FMN1: variants seen among roughly 807,000 people sequenced by gnomAD.
FMN1 encodes formin-1.
Under a neutral mutation model 132.4 loss-of-function variants are expected in FMN1, and 110 were observed. The ratio of observed to expected loss-of-function variants is 0.83; its 90% confidence interval spans 0.71 to 0.97. The LOEUF is 0.97. Among genes scored for constraint, FMN1 ranks in the 50% least tolerant of loss-of-function variants. The probability of loss-of-function intolerance (pLI) is 0.00; values close to 1 mark genes in which losing one functional copy is unlikely to be tolerated. For synonymous variants in FMN1, 722 were observed against 651.7 expected, an observed-to-expected ratio of 1.11 and a Z score of -1.64; for missense variants, 1,792 against 1,705.3, an observed-to-expected ratio of 1.05 and a Z score of -0.90.
At chr15:33,003,838 A>G (rs898424039) in intron 7 of FMN1, among the ~76,000 whole-genome samples, 1 of 152,226 alleles carries the variant, frequency 6.6e-6, no homozygotes, top group African/African-American at 2.4e-5. Context: ...TCTGGTACCA[A>G]AACAGAGATA....
intron 19 of FMN1, among the ~76,000 whole-genome samples, chr15:32,780,403 A>G (rs918472234): frequency 1.1e-4 from 17 of 152,198 alleles, no homozygotes; most frequent in Non-Finnish European, 4.4e-5. Flanking sequence ...ATTAGTGCCA[A>G]GACAGTTTAC....
At chr15:32,855,178 A>AC (rs1567276305) in intron 17 of FMN1, among the ~76,000 whole-genome samples, 1 of 148,982 alleles carries the variant, frequency 6.7e-6, no homozygotes, top group Non-Finnish European at 1.5e-5. Flanking sequence ...AAAAAAAAAA[A>AC]AAAAGAAAAA....
intron 9 of FMN1, among the ~76,000 whole-genome samples, chr15:32,960,348 G>A (rs976764176): frequency 3.3e-5 from 5 of 152,178 alleles, no homozygotes; most frequent in East Asian, 1.9e-4. Context: ...TGATTTAATC[G>A]CCTCCCACCA....
At chr15:32,924,626 A>T (rs2060912805) in intron 10 of FMN1, among the ~76,000 whole-genome samples, 1 of 152,222 alleles carries the variant, frequency 6.6e-6, no homozygotes, top group Non-Finnish European at 1.5e-5. Flanking sequence ...TGTCAATATA[A>T]AGATTTACAT....
chr15:32,908,437 C>A, intron 12 of FMN1, 53 bp downstream of exon 12: 1 of 1,174,306 alleles, frequency 8.5e-7, no homozygotes, highest in South Asian at 1.2e-5. Context: ...GACAAGAAGA[C>A]AGAAATTGCA....
intron 4 of FMN1, among the ~76,000 whole-genome samples, chr15:33,129,137 A>G (rs907676356): frequency 2.6e-5 from 4 of 152,214 alleles, no homozygotes; most frequent in African/African-American, 9.7e-5. Context: ...AGCTGGCTTC[A>G]CCTCTCAATA....
chr15:32,953,679 C>A (rs2061701195), intron 9 of FMN1, among the ~76,000 whole-genome samples: 1 of 152,142 alleles, frequency 6.6e-6, no homozygotes, highest in Non-Finnish European at 1.5e-5. Context: ...GGCCTCTCGA[C>A]CGTGGAAACT....
At chr15:32,808,065 A>C (rs182562121) in intron 17 of FMN1, among the ~76,000 whole-genome samples, 1 of 152,330 alleles carries the variant, frequency 6.6e-6, no homozygotes, top group Admixed American at 6.5e-5. Flanking sequence ...TACCATCAAC[A>C]AATAAGGTCA....
chr15:32,887,598 C>T (rs1477903994), intron 16 of FMN1, among the ~76,000 whole-genome samples: 1 of 152,140 alleles, frequency 6.6e-6, no homozygotes, highest in African/African-American at 2.4e-5. Context: ...ACCAAACATA[C>T]AGGAACATGT....
At chr15:32,788,600 C>T (rs536172878) in intron 19 of FMN1, among the ~76,000 whole-genome samples, 1 of 152,180 alleles carries the variant, frequency 6.6e-6, no homozygotes, top group Admixed American at 6.5e-5. Flanking sequence ...ACCCAGGCAG[C>T]CCCCTGTTGC....
intron 7 of FMN1, among the ~76,000 whole-genome samples, chr15:32,972,762 C>A (rs963839699): frequency 5.3e-5 from 8 of 152,090 alleles, no homozygotes; most frequent in African/African-American, 1.4e-4. Flanking sequence ...CAGGTGAGTA[C>A]CTTCAAACTT....
At chr15:33,089,119 C>G in intron 4 of FMN1, 145 bp from the exon 5 acceptor site, 1 of 697,390 alleles carries the variant, frequency 1.4e-6, no homozygotes, top group Non-Finnish European at 2.3e-6. Flanking sequence ...GACTGCTTTC[C>G]TTTAAAAGTA....
intron 19 of FMN1, among the ~76,000 whole-genome samples, chr15:32,782,839 C>T (rs771305769): frequency 6.6e-6 from 1 of 152,186 alleles, no homozygotes; most frequent in East Asian, 1.9e-4. Flanking sequence ...AATGAAATCA[C>T]GTCCATTGCA....
intron 19 of FMN1, among the ~76,000 whole-genome samples, chr15:32,777,611 A>AAC (rs1374339116): frequency 0.015 from 1,932 of 131,292 alleles, 223 homozygotes; most frequent in African/African-American, 0.059. Context: ...TATTACGTAT[A>AAC]ACATAACACA....
At chr15:33,056,290 C>T (rs1412982865) in intron 6 of FMN1, among the ~76,000 whole-genome samples, 1 of 152,142 alleles carries the variant, frequency 6.6e-6, no homozygotes, top group South Asian at 2.1e-4. Flanking sequence ...AAAACCTTAG[C>T]CAAATTAAGT....
intron 16 of FMN1, among the ~76,000 whole-genome samples, chr15:32,871,296 G>GTCT (rs2059509851): frequency 6.6e-6 from 1 of 152,186 alleles, no homozygotes; most frequent in Admixed American, 6.5e-5. Flanking sequence ...CTCTTTCAGG[G>GTCT]TCTGGGCCTC....
At chr15:33,185,970 T>C (rs1345965418) in intron 2 of FMN1, among the ~76,000 whole-genome samples, 1 of 152,138 alleles carries the variant, frequency 6.6e-6, no homozygotes, top group Non-Finnish European at 1.5e-5. Flanking sequence ...AAGTTAATAA[T>C]AGTCATAGGG....
At chr15:32,776,380 C>A (rs2056418016) in intron 20 of FMN1, among the ~76,000 whole-genome samples, 1 of 152,148 alleles carries the variant, frequency 6.6e-6, no homozygotes, top group African/African-American at 2.4e-5. Flanking sequence ...GAATCTGGTC[C>A]TGGCTTTTGT....
At chr15:32,949,104 G>A (rs2061569324) in intron 9 of FMN1, among the ~76,000 whole-genome samples, 1 of 151,836 alleles carries the variant, frequency 6.6e-6, no homozygotes, top group Non-Finnish European at 1.5e-5. Flanking sequence ...TTTGCTAAGT[G>A]TTTTTAAAAT....
Sources: gnomAD v4.1 joint callset for allele counts (sites outside exome capture counted in the v4.1 genomes callset) on GRCh38, gnomAD v4.1.1 for gene constraint, MANE v1.5 for transcripts, NCBI Gene and HGNC (gene_info 2026-07-23, HGNC 2026-07-21) for gene names.